KIF26B: variants seen among roughly 807,000 people sequenced by gnomAD.
KIF26B encodes kinesin family member 26B.
Under a neutral mutation model 151.2 loss-of-function variants are expected in KIF26B, and 63 were observed. That is an observed-to-expected ratio of 0.42 (90% CI 0.34 to 0.51). KIF26B has a LOEUF of 0.51. Ranked by LOEUF, KIF26B falls within the 20% of genes least tolerant of loss-of-function variation. KIF26B has a pLI of 0.07. For missense variants in KIF26B, 2,813 were observed against 2,913.6 expected, an observed-to-expected ratio of 0.97 and a Z score of 0.79; for synonymous variants, 1,357 against 1,262.1, an observed-to-expected ratio of 1.08 and a Z score of -1.59.
chr1:245,254,032 GA>G (rs1670491825), intron 2 of KIF26B, among the ~76,000 whole-genome samples: 1 of 151,736 alleles, frequency 6.6e-6, no homozygotes, highest in Non-Finnish European at 1.5e-5. Flanking sequence ...GGATGGTCTC[GA>G]TCTCCTGACC....
At chr1:245,397,422 G>A (rs1673875547) in intron 3 of KIF26B, among the ~76,000 whole-genome samples, 1 of 151,950 alleles carries the variant, frequency 6.6e-6, no homozygotes. Flanking sequence ...CACCATGTTG[G>A]TCAGGCTGGT....
intron 2 of KIF26B, among the ~76,000 whole-genome samples, chr1:245,351,325 G>A (rs1243759803): frequency 6.6e-6 from 1 of 152,208 alleles, no homozygotes; most frequent in South Asian, 2.1e-4. Flanking sequence ...TGCAAACTGG[G>A]AAGTGCATTG....
chr1:245,529,626 A>G (rs1558201324), intron 4 of KIF26B, among the ~76,000 whole-genome samples: 6 of 152,212 alleles, frequency 3.9e-5, no homozygotes. Flanking sequence ...CACACAGGGA[A>G]CTTGGCTCAG....
rs1431747023 is a variant in KIF26B, at chr1:245,495,943, G to A, written c.1167-44824G>A. On this transcript the variant is annotated intron_variant, in intron 4 of 14. Transcript: ENST00000407071. The surrounding 1 kb of genome is among the most constrained non-coding windows in gnomAD (Gnocchi z 4.2). ...ATTCATGGGTTGAAAGAATGTAACCGTCAACCTAAAAGTTTACAAACTTAA... is the reference window on the plus strand; with the variant it reads ...ATTCATGGGTTGAAAGAATGTAACCATCAACCTAAAAGTTTACAAACTTAA... Among the ~76,000 whole-genome samples, 2 of 152,260 alleles carry A rather than the reference G, an allele frequency of 1.3e-5. No individual in the cohort carries two copies. The highest frequency in any genetic ancestry group is 1.9e-4 in the East Asian group (1 of 5,192).
chr1:245,420,371 A>G lies in KIF26B; in HGVS notation c.1166+626A>G, dbSNP rs541857085. Among the ~76,000 whole-genome samples the G allele has an allele frequency of 4.6e-5, 7 of 152,350 alleles. No homozygotes were observed. In the South Asian group the frequency reaches 1.4e-3, roughly 32 times the overall value. On this transcript the variant is annotated intron_variant, in intron 4 of 14. Coordinates refer to ENST00000407071, the MANE Select transcript of KIF26B (RefSeq NM_018012.4). The stretch of plus-strand genomic sequence containing the variant: ...CGGGGCGGGAGACGAAGGACAGCTG[A>G]GCAGGAAAGGACTTCAGGGATTGTC...
In KIF26B at chr1:245,400,488, G is replaced by GGT. The variant is rs1553270995; in HGVS notation, c.1000-19091_1000-19090insGT. On this transcript the variant is annotated intron_variant, in intron 3 of 14. Transcript: ENST00000407071. ...CATAAAACAATCACATAGATAGTGA[G>GGT]TTTTTTTTTTTTTTTTTTGAAATTA... Among the ~76,000 whole-genome samples the GGT allele has an allele frequency of 7.3e-4, 90 of 123,824 alleles. 2 individuals carry two copies. Among genetic ancestry groups the GGT allele is most frequent in the African/African-American group, 1.5e-3 (42 of 27,422 alleles). 81.2% of individuals were successfully genotyped at this position (123,824 alleles called of 152,430 possible).
chr1:245,554,532 T>C (rs904750640), intron 5 of KIF26B, among the ~76,000 whole-genome samples: 1 of 152,138 alleles, frequency 6.6e-6, no homozygotes, highest in African/African-American at 2.4e-5. Context: ...CAGAAGTTGC[T>C]ATCAGAAAGA....
intron 4 of KIF26B, among the ~76,000 whole-genome samples, chr1:245,497,620 C>T (rs992552868): frequency 7.2e-5 from 11 of 152,178 alleles, no homozygotes; most frequent in African/African-American, 2.7e-4. Context: ...ACGTCAAGCG[C>T]TAACTAACCA....
chr1:245,405,182 G>T (rs920624447), intron 3 of KIF26B, among the ~76,000 whole-genome samples: 4 of 152,200 alleles, frequency 2.6e-5, no homozygotes, highest in Non-Finnish European at 4.4e-5. Flanking sequence ...GGAAGCAACT[G>T]TGACAAGCTG....
At chr1:245,331,411 G>A (rs191209986) in intron 2 of KIF26B, among the ~76,000 whole-genome samples, 3 of 152,156 alleles carry the variant, frequency 2.0e-5, no homozygotes, top group East Asian at 3.9e-4. Flanking sequence ...AGAAAAGCCC[G>A]CAGTCGTCCA....
chr1:245,205,173 G>T (rs567759847), intron 2 of KIF26B, among the ~76,000 whole-genome samples: 1 of 152,128 alleles, frequency 6.6e-6, no homozygotes, highest in African/African-American at 2.4e-5. Flanking sequence ...AAATATGGCC[G>T]TAGAGTACAT....
At chr1:245,672,361 C>T (rs986511550) in intron 10 of KIF26B, among the ~76,000 whole-genome samples, 6 of 152,170 alleles carry the variant, frequency 3.9e-5, no homozygotes, top group African/African-American at 9.7e-5. Flanking sequence ...AGAAAGGCCA[C>T]GGCACAGGGA....
At chr1:245,265,024 C>A (rs561959367) in intron 2 of KIF26B, among the ~76,000 whole-genome samples, 1 of 151,318 alleles carries the variant, frequency 6.6e-6, no homozygotes, top group African/African-American at 2.4e-5. Flanking sequence ...ACGGTGAAAC[C>A]CCGTCTCTAC....
chr1:245,585,985 A>G (rs2043219691), intron 5 of KIF26B, among the ~76,000 whole-genome samples: 1 of 152,096 alleles, frequency 6.6e-6, no homozygotes, highest in South Asian at 2.1e-4. Flanking sequence ...CACTTAGAAT[A>G]CATTTTTTTA....
At chr1:245,242,721 G>A (rs563421153) in intron 2 of KIF26B, among the ~76,000 whole-genome samples, 3 of 152,162 alleles carry the variant, frequency 2.0e-5, no homozygotes, top group African/African-American at 4.8e-5. Context: ...GCGTGATCTC[G>A]GCTCACTGCA....
chr1:245,702,740 C>T lies in KIF26B; in HGVS notation c.*134C>T, dbSNP rs779695942. ...AGGTTGGTGGCAAGTCTGGAGCGGG[C>T]GTTGAGCGGAAGGCGAGTTTTCTTT... On this transcript the variant is annotated 3_prime_UTR_variant, in exon 15 of 15. Coordinates refer to ENST00000407071, the MANE Select transcript of KIF26B (RefSeq NM_018012.4). The surrounding 1 kb of genome is among the most constrained non-coding windows in gnomAD (Gnocchi z 4.1). 77 of 1,002,744 alleles carry T rather than the reference C, an allele frequency of 7.7e-5. No homozygotes were observed. The highest frequency in any genetic ancestry group is 1.2e-4 in the East Asian group (5 of 40,202). 62.1% of individuals were successfully genotyped at this position (1,002,744 alleles called of 1,614,324 possible).
intron 10 of KIF26B, among the ~76,000 whole-genome samples, chr1:245,671,467 G>C (rs113028940): frequency 6.6e-6 from 1 of 152,120 alleles, no homozygotes. Context: ...GGTGGTTACC[G>C]GGGGCCGGGG....
At position 245,644,871 on chromosome 1, in the gene KIF26B, G is replaced by A. The variant is rs545162577; in HGVS notation, c.2099-1250G>A. ...CCTGAGGCTGGGTGATTTATAAAGA[G>A]GCTTATTCTGCTCACAGTTCTGCAA... On this transcript the variant is annotated intron_variant, in intron 9 of 14. Transcript: ENST00000407071. Among the ~76,000 whole-genome samples the A allele has an allele frequency of 7.7e-4, 118 of 152,286 alleles. 1 individual carries two copies. The highest frequency in any genetic ancestry group is 2.8e-3 in the African/African-American group (115 of 41,556).
At chr1:245,644,513 T>C (rs963558241) in intron 9 of KIF26B, among the ~76,000 whole-genome samples, 3 of 152,256 alleles carry the variant, frequency 2.0e-5, no homozygotes, top group Non-Finnish European at 4.4e-5. Flanking sequence ...GTCTTTACTT[T>C]GTAAATATTC....
Sources: allele counts gnomAD v4.1 joint callset (sites outside exome capture counted in the v4.1 genomes callset), GRCh38; gene constraint gnomAD v4.1.1; non-coding constraint Gnocchi (gnomAD v3.1); transcripts MANE v1.5; gene names NCBI Gene and HGNC (gene_info 2026-07-23, HGNC 2026-07-21).